Variants in ABCC4 observed in about 807,000 individuals in gnomAD.
ABCC4 encodes ATP-binding cassette sub-family C member 4.
A neutral mutation model predicts 168.5 loss-of-function variants in ABCC4; 102 were observed. The observed-to-expected ratio is 0.61, with a 90% CI of 0.52 to 0.71. The LOEUF (loss-of-function observed/expected upper bound fraction) is 0.71. Among genes scored for constraint, ABCC4 ranks in the 30% least tolerant of loss-of-function variants. The pLI is 0.00. For synonymous variants in ABCC4, 617 were observed against 590.7 expected (o/e 1.04, Z -0.65); for missense variants, 1,402 against 1,605.8 (o/e 0.87, Z 2.17).
intron 11 of ABCC4, 32 bp downstream of exon 11, chr13:95,186,669 C>T (rs533216103): frequency 2.8e-5 from 44 of 1,592,394 alleles, no homozygotes; most frequent in Admixed American, 1.0e-4. Flanking sequence ...ACTGGACATT[C>T]GAGTACATGA....
intron 13 of ABCC4, among the ~76,000 whole-genome samples, chr13:95,175,533 G>A (rs574454440): frequency 1.3e-5 from 2 of 152,196 alleles, no homozygotes; most frequent in African/African-American, 4.8e-5. Flanking sequence ...GGCTGGTCTC[G>A]AACTCCTCAG....
intron 9 of ABCC4, among the ~76,000 whole-genome samples, chr13:95,190,216 A>G (rs1393925906): frequency 6.6e-6 from 1 of 152,040 alleles, no homozygotes; most frequent in Non-Finnish European, 1.5e-5. Context: ...GGTGTGTGCC[A>G]TAGTCCCAGC....
At chr13:95,171,952 T>C (rs2037491716) in intron 13 of ABCC4, among the ~76,000 whole-genome samples, 1 of 152,206 alleles carries the variant, frequency 6.6e-6, no homozygotes, top group Admixed American at 6.5e-5. Flanking sequence ...TTTCCCTTTA[T>C]ATCAAGATTG....
chr13:95,039,217 T>C (rs1265280914), intron 29 of ABCC4, among the ~76,000 whole-genome samples: 4 of 152,208 alleles, frequency 2.6e-5, no homozygotes. Context: ...AGATTCAGCA[T>C]ACTTAATCCG....
chr13:95,065,380 C>G (rs2033492404), intron 25 of ABCC4, among the ~76,000 whole-genome samples: 1 of 152,194 alleles, frequency 6.6e-6, no homozygotes, highest in South Asian at 2.1e-4. Flanking sequence ...GAATCCTTGT[C>G]ACATGTTAAT....
chr13:95,021,425 C>A lies in ABCC4; in HGVS notation c.*150G>T. ...AACCATTTTGTTAGAGCTGGAGATC[C>A]TTGGATAAGTTGGGAGAAATATTCA... On this transcript the variant is annotated 3_prime_UTR_variant, in exon 31 of 31. Coordinates refer to ENST00000645237, the MANE Select transcript of ABCC4 (RefSeq NM_005845.5). 1 of 552,070 alleles carries A rather than the reference C, an allele frequency of 1.8e-6. No individual in the cohort carries two copies. Among genetic ancestry groups the A allele is most frequent in the Non-Finnish European group, 3.2e-6 (1 of 310,186 alleles). The allele number at this position is 552,070 out of a possible 1,614,324, so 34.2% of individuals were successfully genotyped here. A position where few individuals can be genotyped will look rare whatever the true frequency, so the allele number is the denominator to read the frequency against.
chr13:95,131,927 G>A (rs1362717724), intron 19 of ABCC4, among the ~76,000 whole-genome samples: 1 of 152,130 alleles, frequency 6.6e-6, no homozygotes, highest in Non-Finnish European at 1.5e-5. Context: ...ATTACCGCAT[G>A]ATCCAGCAAT....
chr13:95,299,172 T>C (rs2041611973), intron 1 of ABCC4, among the ~76,000 whole-genome samples: 1 of 151,604 alleles, frequency 6.6e-6, no homozygotes, highest in Non-Finnish European at 1.5e-5. Flanking sequence ...GGCAGGAGGA[T>C]TGCTTCGGCC....
At chr13:95,122,662 C>T (rs1049073182) in intron 19 of ABCC4, among the ~76,000 whole-genome samples, 1 of 152,160 alleles carries the variant, frequency 6.6e-6, no homozygotes, top group African/African-American at 2.4e-5. Flanking sequence ...CATGAAGGTC[C>T]TCAGTCCCTG....
At chr13:95,109,073 C>T (rs1208103045) in intron 20 of ABCC4, among the ~76,000 whole-genome samples, 1 of 152,068 alleles carries the variant, frequency 6.6e-6, no homozygotes, top group Non-Finnish European at 1.5e-5. Flanking sequence ...ATGCCAATTC[C>T]TAGAAGCTGA....
chr13:95,259,491 C>T (rs1205172145), intron 1 of ABCC4, among the ~76,000 whole-genome samples: 2 of 152,144 alleles, frequency 1.3e-5, no homozygotes, highest in East Asian at 3.9e-4. Context: ...GGGGTGTCGT[C>T]CCGTGCACTG....
chr13:95,073,462 G>T (rs183445746), intron 23 of ABCC4, 158 bp from the exon 24 acceptor site: 26 of 468,404 alleles, frequency 5.6e-5, no homozygotes, highest in African/African-American at 4.7e-4. Flanking sequence ...TTGAGATCAA[G>T]ATACAATGGG....
At chr13:95,197,854 C>T (rs1160391638) in intron 8 of ABCC4, among the ~76,000 whole-genome samples, 1 of 152,130 alleles carries the variant, frequency 6.6e-6, no homozygotes, top group Non-Finnish European at 1.5e-5. Flanking sequence ...CAATCCTTTC[C>T]TTAATAAAAG....
chr13:95,205,395 C>T (rs2038751193), intron 8 of ABCC4, among the ~76,000 whole-genome samples: 1 of 152,196 alleles, frequency 6.6e-6, no homozygotes, highest in South Asian at 2.1e-4. Context: ...GCTAAGTTCA[C>T]TCGAGTCTGT....
intron 19 of ABCC4, among the ~76,000 whole-genome samples, chr13:95,155,336 G>A (rs192342836): frequency 7.2e-5 from 11 of 151,892 alleles, no homozygotes; most frequent in African/African-American, 2.4e-4. Context: ...CTACAACCAC[G>A]CCTGGCTAAA....
chr13:95,222,861 G>A lies in ABCC4; in HGVS notation c.531+11749C>T, dbSNP rs943154608. 1.2e-4 allele frequency among the ~76,000 whole-genome samples: 19 copies of A among 152,260 alleles called. No individual in the cohort carries two copies. The East Asian group carries it at 3.1e-3, about 25-fold the overall frequency. ...GGCACTACTGGTTGTTACAACTAGA[G>A]GGACGCTTTCGGTATCTAGTGGGCA... is the stretch of plus-strand genomic sequence containing the variant. On this transcript the variant is annotated intron_variant, in intron 4 of 30. Transcript: ENST00000645237.
chr13:95,044,414 C>T lies in ABCC4; in HGVS notation c.3481G>A (p.Asp1161Asn), dbSNP rs1194785037. The T allele has an allele frequency of 6.2e-7, 1 of 1,611,898 alleles. No homozygotes were observed. The highest frequency in any genetic ancestry group is 8.5e-7 in the Non-Finnish European group (1 of 1,179,152). ...QEVQLKETIE[D>N]LPGKMDTELA... The stretch of plus-strand genomic sequence containing the variant: ...TCAGTATCCATTTTACCAGGAAGAT[C>T]TTCAATGGTTTCTTTAAGTTGTACC... The change falls in exon 28 of 31, where the codon GAT becomes AAT. Residue 1161 changes from aspartate (D) to asparagine (N), a missense_variant. Around this residue, in one of 3 missense-constraint regions of ABCC4, gnomAD observed 1,007 missense variants for 1,127.3 expected, o/e 0.89. Transcript: ENST00000645237.
intron 30 of ABCC4, among the ~76,000 whole-genome samples, chr13:95,021,960 C>T (rs890334231): frequency 1.3e-5 from 2 of 152,106 alleles, no homozygotes; most frequent in Non-Finnish European, 1.5e-5. Context: ...AATTGATAAG[C>T]GGAATCATTT....
intron 30 of ABCC4, among the ~76,000 whole-genome samples, chr13:95,032,528 T>A (rs1372916289): frequency 6.6e-6 from 1 of 152,248 alleles, no homozygotes; most frequent in African/African-American, 2.4e-5. Flanking sequence ...AGAAATATCC[T>A]ACAGACAGTG....
Sources: allele counts gnomAD v4.1 joint callset (sites outside exome capture counted in the v4.1 genomes callset), GRCh38; gene constraint gnomAD v4.1.1; regional missense constraint gnomAD v4.1.1; transcripts MANE v1.5; gene names NCBI Gene and HGNC (gene_info 2026-07-23, HGNC 2026-07-21).